SLC39A11: variants seen among roughly 807,000 people sequenced by gnomAD.
SLC39A11 encodes zinc transporter ZIP11.
SLC39A11 carries 33 observed loss-of-function variants against 36.1 expected under a neutral mutation model. That is an observed-to-expected ratio of 0.91 (90% confidence interval 0.69 to 1.22). The LOEUF (loss-of-function observed/expected upper bound fraction) is 1.22. Ranked by LOEUF, SLC39A11 falls within the 50% of genes most tolerant of loss-of-function variation. SLC39A11 has a pLI of 0.00. For missense variants in SLC39A11, 432 were observed against 430.3 expected, an observed-to-expected ratio of 1.00 and a Z score of -0.03; for synonymous variants, 166 against 170.3, an observed-to-expected ratio of 0.97 and a Z score of 0.20.
rs1262584611 is a variant in SLC39A11 at position 72,799,894 on chromosome 17, ACT to A, written c.601+49738_601+49739del. On this transcript the variant is annotated intron_variant, in intron 6 of 9. Transcript: ENST00000255559. ...TTTGAAGCATGTGATCTTTGTACCT[ACT>A]CTCTGTTCTTACACCCCCTCCCCTT... Among the ~76,000 whole-genome samples the A allele has an allele frequency of 2.1e-5, 3 of 145,630 alleles. 1 individual carries two copies. In the East Asian group the frequency reaches 6.1e-4, roughly 30 times the overall value.
intron 6 of SLC39A11, among the ~76,000 whole-genome samples, chr17:72,828,491 G>A (rs971818742): frequency 6.6e-6 from 1 of 152,202 alleles, no homozygotes; most frequent in African/African-American, 2.4e-5. Context: ...GGCACAGAGA[G>A]GGGTATTTGT....
At chr17:73,058,451 A>C (rs2059739049) in intron 3 of SLC39A11, among the ~76,000 whole-genome samples, 1 of 152,200 alleles carries the variant, frequency 6.6e-6, no homozygotes, top group East Asian at 1.9e-4. Context: ...GGCCGGGTGC[A>C]GTGGCTGACA....
At chr17:72,798,870 G>A (rs544394637) in intron 6 of SLC39A11, among the ~76,000 whole-genome samples, 82 of 152,052 alleles carry the variant, frequency 5.4e-4, no homozygotes, top group Non-Finnish European at 9.6e-4. Flanking sequence ...GCATCTAGCT[G>A]GGGGAGGAAA....
intron 4 of SLC39A11, among the ~76,000 whole-genome samples, chr17:72,997,329 C>G (rs1261326419): frequency 6.6e-6 from 1 of 152,216 alleles, no homozygotes; most frequent in Non-Finnish European, 1.5e-5. Context: ...TCTCAGCTCA[C>G]TGCAACCTCC....
chr17:72,810,162 T>G (rs1337183416), intron 6 of SLC39A11, among the ~76,000 whole-genome samples: 1 of 152,062 alleles, frequency 6.6e-6, no homozygotes, highest in African/African-American at 2.4e-5. Context: ...AGAAAATATC[T>G]TTCCCCAATT....
At chr17:72,684,260 T>C (rs2071638638) in intron 7 of SLC39A11, among the ~76,000 whole-genome samples, 1 of 152,166 alleles carries the variant, frequency 6.6e-6, no homozygotes, top group South Asian at 2.1e-4. Context: ...GCAGCACATT[T>C]ACAGCACCAT....
intron 6 of SLC39A11, among the ~76,000 whole-genome samples, chr17:72,772,408 C>G (rs565253358): frequency 6.8e-4 from 103 of 152,282 alleles, no homozygotes; most frequent in Non-Finnish European, 1.1e-3. Flanking sequence ...CTTCCTCTAC[C>G]AAGTCACTAA....
chr17:72,906,928 C>G (rs2082684131), intron 5 of SLC39A11, among the ~76,000 whole-genome samples: 1 of 152,158 alleles, frequency 6.6e-6, no homozygotes, highest in Admixed American at 6.5e-5. Flanking sequence ...AGCTCTTGCA[C>G]CGGAGATCAG....
chr17:72,811,782 C>A (rs979270470), intron 6 of SLC39A11, among the ~76,000 whole-genome samples: 1 of 152,172 alleles, frequency 6.6e-6, no homozygotes, highest in African/African-American at 2.4e-5. Flanking sequence ...CCCTTTCAAC[C>A]AGACACATGA....
chr17:73,037,886 C>T (rs1419734877), intron 3 of SLC39A11, among the ~76,000 whole-genome samples: 1 of 152,210 alleles, frequency 6.6e-6, no homozygotes, highest in Non-Finnish European at 1.5e-5. Flanking sequence ...ATTTCTTTTG[C>T]TAAATAATGA....
intron 5 of SLC39A11, among the ~76,000 whole-genome samples, chr17:72,927,627 C>T (rs1320046579): frequency 6.6e-6 from 1 of 152,126 alleles, no homozygotes; most frequent in Non-Finnish European, 1.5e-5. Context: ...TTCCATGTTG[C>T]AATCACGCCT....
At chr17:72,719,571 C>T (rs752540536) in intron 7 of SLC39A11, among the ~76,000 whole-genome samples, 1 of 152,188 alleles carries the variant, frequency 6.6e-6, no homozygotes. Flanking sequence ...TTCCCCAAGT[C>T]GCTTGTAACA....
intron 2 of SLC39A11, among the ~76,000 whole-genome samples, chr17:73,086,916 C>T (rs991718708): frequency 4.6e-5 from 7 of 151,998 alleles, no homozygotes; most frequent in African/African-American, 9.7e-5. Flanking sequence ...ATTAGCTGAG[C>T]GTGGTGGTGT....
chr17:72,721,384 A>T (rs2143589110), intron 7 of SLC39A11, among the ~76,000 whole-genome samples: 1 of 152,326 alleles, frequency 6.6e-6, no homozygotes, highest in South Asian at 2.1e-4. Context: ...GGCAAGAACC[A>T]CCATGTCCGG....
intron 7 of SLC39A11, among the ~76,000 whole-genome samples, chr17:72,654,042 T>C (rs1226576151): frequency 1.3e-5 from 2 of 152,178 alleles, no homozygotes; most frequent in South Asian, 4.1e-4. Context: ...TGCGTGTGTG[T>C]GCGGAAGGGT....
chr17:72,811,218 G>C (rs2077426315), intron 6 of SLC39A11, among the ~76,000 whole-genome samples: 1 of 152,106 alleles, frequency 6.6e-6, no homozygotes, highest in Admixed American at 6.6e-5. Flanking sequence ...CATTTTCTGA[G>C]TGTCAGACTG....
chr17:72,732,256 C>A (rs1598486014), intron 7 of SLC39A11, among the ~76,000 whole-genome samples: 1 of 151,826 alleles, frequency 6.6e-6, no homozygotes, highest in East Asian at 1.9e-4. Context: ...CTCGAGGGAT[C>A]CGCCCGCCTC....
At chr17:72,715,521 C>T (rs989553086) in intron 7 of SLC39A11, among the ~76,000 whole-genome samples, 1 of 152,116 alleles carries the variant, frequency 6.6e-6, no homozygotes, top group Non-Finnish European at 1.5e-5. Flanking sequence ...GGACATTATG[C>T]TAAGTGAAAT....
intron 4 of SLC39A11, among the ~76,000 whole-genome samples, chr17:73,009,207 T>C (rs1457980690): frequency 1.3e-5 from 2 of 150,544 alleles, no homozygotes; most frequent in Non-Finnish European, 3.0e-5. Context: ...ACTAAAAATA[T>C]GAAAACGAAA....
Sources: gnomAD v4.1 joint callset for allele counts (sites outside exome capture counted in the v4.1 genomes callset) on GRCh38, gnomAD v4.1.1 for gene constraint, MANE v1.5 for transcripts, NCBI Gene and HGNC (gene_info 2026-07-23, HGNC 2026-07-21) for gene names.